Variants in COMMD1 observed in about 807,000 individuals in gnomAD.
COMMD1 encodes the protein copper metabolism domain containing 1.
Under a neutral mutation model 17.2 loss-of-function variants are expected in COMMD1, and 10 were observed. The observed-to-expected ratio is 0.58, with a 90% CI of 0.36 to 0.99. The LOEUF (loss-of-function observed/expected upper bound fraction) is 0.99. COMMD1 is among the 50% of genes least tolerant of loss of function. The pLI, the probability that COMMD1 is intolerant of heterozygous loss-of-function variation, is 0.01. For synonymous variants in COMMD1, 97 were observed against 91.6 expected, an observed-to-expected ratio of 1.06 and a Z score of -0.34; for missense variants, 270 against 231.8, an observed-to-expected ratio of 1.17 and a Z score of -1.07.
intron 1 of COMMD1, among the ~76,000 whole-genome samples, chr2:61,960,208 C>T (rs1245947932): frequency 6.6e-6 from 1 of 152,110 alleles, no homozygotes. Flanking sequence ...TGAAGAAGAA[C>T]TTTCCCATTT....
At chr2:62,030,954 T>C (rs1452133499) in intron 2 of COMMD1, among the ~76,000 whole-genome samples, 1 of 152,226 alleles carries the variant, frequency 6.6e-6, no homozygotes, top group East Asian at 1.9e-4. Context: ...CAGGTGCTTC[T>C]TGTTTTAGTA....
At chr2:61,902,152 G>A (rs998258689), upstream of COMMD1, among the ~76,000 whole-genome samples, 1 of 151,326 alleles carries the variant, frequency 6.6e-6, no homozygotes, top group Non-Finnish European at 1.5e-5. Context: ...ATATAAACAT[G>A]GAGAAAATAT....
chr2:61,982,738 AG>A (rs1671990632), intron 1 of COMMD1, among the ~76,000 whole-genome samples: 1 of 152,168 alleles, frequency 6.6e-6, no homozygotes, highest in Admixed American at 6.5e-5. Context: ...TTCATCATGA[AG>A]GGATGTTGAA....
intron 1 of COMMD1, among the ~76,000 whole-genome samples, chr2:61,967,489 A>G (rs1384366481): frequency 6.6e-6 from 1 of 152,218 alleles, no homozygotes; most frequent in Non-Finnish European, 1.5e-5. Flanking sequence ...CAGGAAAGCC[A>G]AGGATGTTGA....
At chr2:62,120,964 G>A (rs957814448) in intron 2 of COMMD1, among the ~76,000 whole-genome samples, 1 of 150,722 alleles carries the variant, frequency 6.6e-6, no homozygotes, top group Middle Eastern at 3.4e-3. Flanking sequence ...GGCTGGTTGT[G>A]AACTCCTGAG....
At chr2:62,041,969 G>A (rs188471096) in intron 2 of COMMD1, among the ~76,000 whole-genome samples, 9 of 152,202 alleles carry the variant, frequency 5.9e-5, no homozygotes, top group African/African-American at 1.7e-4. Context: ...GGACCTCAGC[G>A]GCTTGCCGCT....
intron 1 of COMMD1, among the ~76,000 whole-genome samples, chr2:61,914,690 G>T (rs1219945832): frequency 6.6e-6 from 1 of 151,856 alleles, no homozygotes; most frequent in Non-Finnish European, 1.5e-5. Context: ...GTTTTCTGGG[G>T]TTTTTTGTTT....
At chr2:62,023,349 T>G (rs1669665226) in intron 2 of COMMD1, among the ~76,000 whole-genome samples, 1 of 152,042 alleles carries the variant, frequency 6.6e-6, no homozygotes, top group Non-Finnish European at 1.5e-5. Context: ...TATGTAAACA[T>G]TTGTTAAACT....
At chr2:62,011,298 C>T (rs961107657) in intron 2 of COMMD1, among the ~76,000 whole-genome samples, 3 of 152,204 alleles carry the variant, frequency 2.0e-5, no homozygotes, top group South Asian at 2.1e-4. Context: ...TGTGAAAACA[C>T]CAGTACAGTC....
Position 62,014,542 on chromosome 2 carries a change from C to CTTTTT in COMMD1, c.462+13593_462+13597dup, listed in dbSNP as rs67886279. On this transcript the variant is annotated intron_variant, in intron 2 of 2. Transcript: ENST00000311832. Reference sequence around the variant, plus strand: ...CATAACAAAATTTTACCATTTTAACCTTTTTTTTTTTTTTTTTTTTTTTTT... The same window carrying CTTTTT: ...CATAACAAAATTTTACCATTTTAACCTTTTTTTTTTTTTTTTTTTTTTTTTTTTTT... Among the ~76,000 whole-genome samples, 25 of 63,568 alleles carry CTTTTT rather than the reference C, an allele frequency of 3.9e-4. 3 individuals carry two copies. The highest frequency in any genetic ancestry group is 9.3e-4 in the African/African-American group (13 of 14,022). The allele number at this position is 63,568 out of a possible 152,430, so 41.7% of individuals were successfully genotyped here.
intron 2 of COMMD1, among the ~76,000 whole-genome samples, chr2:62,087,843 G>A (rs1287834965): frequency 6.6e-6 from 1 of 152,182 alleles, no homozygotes; most frequent in African/African-American, 2.4e-5. Context: ...TAATATCCAT[G>A]TTTTCTAATA....
rs1438732823 is a variant in COMMD1 at position 62,063,898 on chromosome 2, T to TA, written c.462+62916_462+62917insA. 1.7e-4 allele frequency among the ~76,000 whole-genome samples: 21 copies of TA among 126,398 alleles called. 1 individual carries two copies. The highest frequency in any genetic ancestry group is 8.1e-4 in the South Asian group (3 of 3,714). The allele number at this position is 126,398 out of a possible 152,430, so 82.9% of individuals were successfully genotyped here. On this transcript the variant is annotated intron_variant, in intron 2 of 2. Coordinates refer to ENST00000311832, the MANE Select transcript of COMMD1 (RefSeq NM_152516.4). ...ATATATATATATATATATATATATA[T>TA]TAGCCAGGCATGGTGGCATATGTCT...
chr2:62,061,805 C>T (rs188183574), intron 2 of COMMD1, among the ~76,000 whole-genome samples: 1 of 151,938 alleles, frequency 6.6e-6, no homozygotes, highest in East Asian at 1.9e-4. Flanking sequence ...CGTGATCCAC[C>T]TGCTTTGGCC....
intron 2 of COMMD1, among the ~76,000 whole-genome samples, chr2:62,041,763 T>G (rs1670209452): frequency 6.6e-6 from 1 of 152,126 alleles, no homozygotes; most frequent in Non-Finnish European, 1.5e-5. Context: ...TGTCTGGAGT[T>G]CGTTCCTTCA....
chr2:61,927,283 T>C (rs1670351354), intron 1 of COMMD1, among the ~76,000 whole-genome samples: 1 of 152,228 alleles, frequency 6.6e-6, no homozygotes, highest in Admixed American at 6.5e-5. Context: ...GTAACTGGCC[T>C]TTTGGGAAAA....
In COMMD1 at chr2:61,941,569, A is replaced by G. The variant is rs893230613; in HGVS notation, c.180+35711A>G. 4.6e-5 allele frequency among the ~76,000 whole-genome samples: 7 copies of G among 152,138 alleles called. No homozygotes were observed. In the South Asian group the frequency reaches 1.5e-3, roughly 32 times the overall value. On this transcript the variant is annotated intron_variant, in intron 1 of 2. Transcript: ENST00000311832. ...TCAACTGTTTCATCTGCGGTGCTCTACTTGGTATTTTATAGGGAGAGCAGG... is the reference window on the plus strand; with the variant it reads ...TCAACTGTTTCATCTGCGGTGCTCTGCTTGGTATTTTATAGGGAGAGCAGG...
At chr2:62,090,559 A>G (rs1671798207) in intron 2 of COMMD1, 1 of 152,240 alleles carries the variant, frequency 6.6e-6, no homozygotes, top group African/African-American at 2.4e-5. Context: ...CAGTGGACAA[A>G]TCTATTTTTC....
intron 2 of COMMD1, among the ~76,000 whole-genome samples, chr2:62,033,013 G>C (rs1256079869): frequency 2.0e-5 from 3 of 152,138 alleles, no homozygotes; most frequent in Non-Finnish European, 4.4e-5. Flanking sequence ...CAGGTGATCT[G>C]CCCACCTTGG....
chr2:62,133,864 G>T (rs1198929735), intron 2 of COMMD1, among the ~76,000 whole-genome samples: 1 of 151,990 alleles, frequency 6.6e-6, no homozygotes, highest in East Asian at 1.9e-4. Context: ...CACCAAGGTT[G>T]CTAGGCTCAC....
Sources: allele counts gnomAD v4.1 joint callset (sites outside exome capture counted in the v4.1 genomes callset), GRCh38; gene constraint gnomAD v4.1.1; transcripts MANE v1.5; gene names NCBI Gene and HGNC (gene_info 2026-07-23, HGNC 2026-07-21).